Variants in PDGFD observed in about 807,000 individuals in gnomAD.
PDGFD encodes the protein platelet-derived growth factor D.
PDGFD carries 30 observed loss-of-function variants against 44.7 expected under a neutral mutation model. The observed-to-expected ratio is 0.67, with a 90% CI of 0.50 to 0.91. The LOEUF (loss-of-function observed/expected upper bound fraction) is 0.91. Ranked by LOEUF, PDGFD falls within the 40% of genes least tolerant of loss-of-function variation. PDGFD has a pLI of 0.00. For missense variants in PDGFD, 445 were observed against 457.8 expected, an observed-to-expected ratio of 0.97 and a Z score of 0.25; for synonymous variants, 173 against 168.4, an observed-to-expected ratio of 1.03 and a Z score of -0.21.
intron 3 of PDGFD, among the ~76,000 whole-genome samples, chr11:103,953,935 C>T (rs1412627674): frequency 1.3e-5 from 2 of 152,168 alleles, no homozygotes; most frequent in East Asian, 1.9e-4. Flanking sequence ...GCTATGAAAA[C>T]ATGCAATGAA....
chr11:104,148,787 A>C (rs10791669), intron 1 of PDGFD, among the ~76,000 whole-genome samples: 63,050 of 151,832 alleles, frequency 0.42, 13,223 homozygotes, highest in East Asian at 0.56. Flanking sequence ...TTGTTCCCCA[A>C]TACGTGTCCA....
chr11:104,126,989 G>A (rs1861850976), intron 1 of PDGFD, among the ~76,000 whole-genome samples: 1 of 152,024 alleles, frequency 6.6e-6, no homozygotes, highest in African/African-American at 2.4e-5. Context: ...AGGGTAGAAG[G>A]GGAGTTCAGA....
intron 1 of PDGFD, among the ~76,000 whole-genome samples, chr11:104,110,418 A>T (rs1353399434): frequency 1.3e-5 from 2 of 151,858 alleles, no homozygotes; most frequent in Non-Finnish European, 2.9e-5. Flanking sequence ...ACCTCCGAAA[A>T]AATGCCAGTA....
chr11:104,011,761 A>G (rs1318750020), intron 1 of PDGFD, among the ~76,000 whole-genome samples: 1 of 152,148 alleles, frequency 6.6e-6, no homozygotes, highest in East Asian at 1.9e-4. Flanking sequence ...TCAAAATTTT[A>G]AAAGTGTTTG....
rs1029509846 is a variant in PDGFD, at chr11:104,045,226, T to C, written c.125-44971A>G. Among the ~76,000 whole-genome samples, 3 of 152,260 alleles carry C rather than the reference T, an allele frequency of 2.0e-5. No individual in the cohort carries two copies. In the South Asian group the frequency reaches 6.2e-4, roughly 32 times the overall value. ...GCCTGAATGATCAATGATCAGTATATGTCTAAGTGTTGAAAGTAGAATGTC... is the reference window on the plus strand; with the variant it reads ...GCCTGAATGATCAATGATCAGTATACGTCTAAGTGTTGAAAGTAGAATGTC... On this transcript the variant is annotated intron_variant, in intron 1 of 6. Coordinates refer to ENST00000393158, the MANE Select transcript of PDGFD (RefSeq NM_025208.5).
intron 6 of PDGFD, among the ~76,000 whole-genome samples, chr11:103,910,514 C>T (rs1488241429): frequency 6.6e-6 from 1 of 152,164 alleles, no homozygotes; most frequent in Non-Finnish European, 1.5e-5. Flanking sequence ...TCTCCTTCCC[C>T]CAGCCAAGGG....
chr11:104,157,935 G>A lies in PDGFD; in HGVS notation c.124+5869C>T, dbSNP rs373222396. 7.6e-3 allele frequency among the ~76,000 whole-genome samples: 1,152 copies of A among 152,130 alleles called. 8 individuals carry two copies. The highest frequency in any genetic ancestry group is 0.025 in the African/African-American group (1,026 of 41,500). Reference sequence around the variant, plus strand: ...AAATTTATACAATCTTTATTTGTCAGTTAAAACTAAATAATAAAATGACAC... The same window carrying A: ...AAATTTATACAATCTTTATTTGTCAATTAAAACTAAATAATAAAATGACAC... On this transcript the variant is annotated intron_variant, in intron 1 of 6. Transcript: ENST00000393158.
At chr11:104,089,073 G>A (rs1420740941) in intron 1 of PDGFD, among the ~76,000 whole-genome samples, 2 of 152,194 alleles carry the variant, frequency 1.3e-5, no homozygotes, top group Admixed American at 6.5e-5. Context: ...ATCGTAAGTG[G>A]TAAACTGGTA....
At chr11:104,035,096 CA>C (rs988622661) in intron 1 of PDGFD, among the ~76,000 whole-genome samples, 2 of 151,934 alleles carry the variant, frequency 1.3e-5, no homozygotes, top group Admixed American at 1.3e-4. Context: ...TGGCTGTGCC[CA>C]AATGTCAGAG....
intron 3 of PDGFD, among the ~76,000 whole-genome samples, chr11:103,949,244 C>G (rs1447825950): frequency 6.6e-6 from 1 of 152,172 alleles, no homozygotes; most frequent in South Asian, 2.1e-4. Flanking sequence ...CTCAGGTGAT[C>G]TACCCACCTC....
chr11:103,936,597 G>A (rs1858491285), intron 5 of PDGFD, among the ~76,000 whole-genome samples: 1 of 151,998 alleles, frequency 6.6e-6, no homozygotes, highest in Non-Finnish European at 1.5e-5. Context: ...TAAATAATTT[G>A]CAAATTAGAG....
At chr11:104,125,193 C>T (rs1565342566) in intron 1 of PDGFD, among the ~76,000 whole-genome samples, 1 of 152,096 alleles carries the variant, frequency 6.6e-6, no homozygotes, top group Non-Finnish European at 1.5e-5. Context: ...AATGTGTCTC[C>T]TTCACAGCAT....
intron 3 of PDGFD, among the ~76,000 whole-genome samples, chr11:103,976,412 C>T (rs1470247882): frequency 6.6e-6 from 1 of 152,134 alleles, no homozygotes; most frequent in African/African-American, 2.4e-5. Flanking sequence ...TGCTTATCAG[C>T]TTCAGGAGTT....
chr11:104,140,688 T>TC (rs987638275), intron 1 of PDGFD, among the ~76,000 whole-genome samples: 10 of 151,642 alleles, frequency 6.6e-5, no homozygotes, highest in Non-Finnish European at 1.3e-4. Flanking sequence ...TCTAACTATA[T>TC]CCCCCCCTGA....
chr11:104,107,763 T>C (rs1209707077), intron 1 of PDGFD, among the ~76,000 whole-genome samples: 1 of 152,142 alleles, frequency 6.6e-6, no homozygotes, highest in African/African-American at 2.4e-5. Context: ...TTTGCCTCAG[T>C]TTCTTCACAT....
chr11:104,137,148 C>G (rs1311136039), intron 1 of PDGFD, among the ~76,000 whole-genome samples: 1 of 152,134 alleles, frequency 6.6e-6, no homozygotes, highest in African/African-American at 2.4e-5. Context: ...ATAATACTAA[C>G]AGTATTGTCA....
In PDGFD at chr11:104,067,095, T is replaced by C. The variant is rs115990298; in HGVS notation, c.125-66840A>G. 3.1e-3 allele frequency among the ~76,000 whole-genome samples: 471 copies of C among 152,276 alleles called. 1 individual carries two copies. The highest frequency in any genetic ancestry group is 0.011 in the African/African-American group (457 of 41,558). On this transcript the variant is annotated intron_variant, in intron 1 of 6. Transcript: ENST00000393158. ...TTCTCCCCATAACATTTGCTGAATATATAAATGTATTGGGACTAAAATAAA... is the reference window on the plus strand; with the variant it reads ...TTCTCCCCATAACATTTGCTGAATACATAAATGTATTGGGACTAAAATAAA...
chr11:104,119,036 A>ATATTAATATAT lies in PDGFD; in HGVS notation c.124+44767_124+44768insATATATTAATA, dbSNP rs1565340400. Among the ~76,000 whole-genome samples the ATATTAATATAT allele has an allele frequency of 7.7e-3, 6 of 780 alleles. 3 individuals are homozygous for ATATTAATATAT. Among genetic ancestry groups the ATATTAATATAT allele is most frequent in the Non-Finnish European group, 0.011 (4 of 360 alleles). 0.5% of individuals were successfully genotyped at this position (780 alleles called of 152,430 possible). A position where few individuals can be genotyped will look rare whatever the true frequency, so the allele number is the denominator to read the frequency against. On this transcript the variant is annotated intron_variant, in intron 1 of 6. Transcript: ENST00000393158. The stretch of plus-strand genomic sequence containing the variant: ...ATATATTATATAATATATCGATATA[A>ATATTAATATAT]TATATAATATATTGATATATTAATA...
rs558104434 is a variant in PDGFD, at chr11:104,113,641, C to G, written c.124+50163G>C. On this transcript the variant is annotated intron_variant, in intron 1 of 6. Coordinates refer to ENST00000393158, the MANE Select transcript of PDGFD (RefSeq NM_025208.5). The stretch of plus-strand genomic sequence containing the variant: ...TTTCAACTCTTTAGAGTAAATACCA[C>G]TGAGCAGGACTGCTAGATCATATGA... 2.0e-5 allele frequency among the ~76,000 whole-genome samples: 3 copies of G among 151,460 alleles called. No homozygotes were observed. The East Asian group carries it at 5.8e-4, about 30-fold the overall frequency.
Sources: gnomAD v4.1 joint callset for allele counts (sites outside exome capture counted in the v4.1 genomes callset) on GRCh38, gnomAD v4.1.1 for gene constraint, MANE v1.5 for transcripts, NCBI Gene and HGNC (gene_info 2026-07-23, HGNC 2026-07-21) for gene names.